The following MAGI1 variants were observed in gnomAD, a reference collection of about 807,000 sequenced individuals.
MAGI1 encodes membrane associated guanylate kinase, WW and PDZ domain containing 1, also known as membrane-associated guanylate kinase, WW and PDZ domain-containing protein 1.
In MAGI1, 58 loss-of-function variants were observed where a neutral mutation model predicts 139.9. That is an observed-to-expected ratio of 0.41 (90% CI 0.34 to 0.52). MAGI1 has a LOEUF of 0.52. MAGI1 is among the 20% of genes least tolerant of loss of function. The pLI is 0.12. For synonymous variants in MAGI1, 812 were observed against 737.9 expected, an observed-to-expected ratio of 1.10 and a Z score of -1.63; for missense variants, 1,874 against 1,901.6, an observed-to-expected ratio of 0.99 and a Z score of 0.27.
chr3:65,846,615 T>G (rs539719339), intron 1 of MAGI1, among the ~76,000 whole-genome samples: 1 of 152,330 alleles, frequency 6.6e-6, no homozygotes, highest in East Asian at 1.9e-4. Context: ...CAATATGTTT[T>G]GAGCACACAC....
At chr3:65,604,349 G>T (rs1329116126) in intron 2 of MAGI1, among the ~76,000 whole-genome samples, 4 of 152,174 alleles carry the variant, frequency 2.6e-5, no homozygotes, top group African/African-American at 7.2e-5. Flanking sequence ...GTTATATATT[G>T]ATATTAATAT....
chr3:65,450,694 T>C (rs765105194), intron 6 of MAGI1, among the ~76,000 whole-genome samples: 3 of 152,182 alleles, frequency 2.0e-5, no homozygotes, highest in Non-Finnish European at 2.9e-5. Context: ...GACACAGCAG[T>C]GACAGAAGGA....
At position 65,509,964 on chromosome 3, in the gene MAGI1, G is replaced by T. The variant is rs553430651; in HGVS notation, c.431-16333C>A. ...GCACGCAGAAGGAGATCTGAGAACCGGCAGACTGCCTCCTCAAGTGGGTCC... is the reference window on the plus strand; with the variant it reads ...GCACGCAGAAGGAGATCTGAGAACCTGCAGACTGCCTCCTCAAGTGGGTCC... On this transcript the variant is annotated intron_variant, in intron 2 of 22. Transcript: ENST00000402939. Among the ~76,000 whole-genome samples the T allele has an allele frequency of 5.3e-5, 8 of 152,282 alleles. No homozygotes were observed. In the South Asian group the frequency reaches 1.7e-3, roughly 32 times the overall value.
chr3:65,790,409 AAAT>A (rs1270556151), intron 1 of MAGI1, among the ~76,000 whole-genome samples: 1 of 152,228 alleles, frequency 6.6e-6, no homozygotes, highest in African/African-American at 2.4e-5. Context: ...AGCTCTGCCT[AAAT>A]AAATCTTTTA....
chr3:65,805,239 C>A (rs759402369), intron 1 of MAGI1, among the ~76,000 whole-genome samples: 1 of 151,974 alleles, frequency 6.6e-6, no homozygotes, highest in East Asian at 1.9e-4. Flanking sequence ...AACAAATTTA[C>A]AAGAAAAAAC....
chr3:65,806,433 A>T (rs2040856623), intron 1 of MAGI1, among the ~76,000 whole-genome samples: 1 of 152,198 alleles, frequency 6.6e-6, no homozygotes, highest in Admixed American at 6.5e-5. Flanking sequence ...ATTTCAAAAA[A>T]AAAAAATGTA....
In MAGI1 at chr3:65,593,773, C is replaced by T. The variant is rs372631752; in HGVS notation, c.430+28199G>A. 1.6e-4 allele frequency among the ~76,000 whole-genome samples: 25 copies of T among 152,052 alleles called. No homozygotes were observed. The East Asian group carries it at 3.3e-3, about 20-fold the overall frequency. ...GTGCTTACGACTAGATATAGAAATA[C>T]GGGAAACATATTGATATCTCATTAT... On this transcript the variant is annotated intron_variant, in intron 2 of 22. Transcript: ENST00000402939.
intron 1 of MAGI1, among the ~76,000 whole-genome samples, chr3:65,719,011 C>T (rs1374232664): frequency 1.7e-5 from 2 of 119,372 alleles, no homozygotes; most frequent in Non-Finnish European, 3.4e-5. Flanking sequence ...TAGCACATAA[C>T]CCTACCAAAA....
At chr3:65,940,830 C>G (rs1044520024) in intron 1 of MAGI1, among the ~76,000 whole-genome samples, 2 of 152,112 alleles carry the variant, frequency 1.3e-5, no homozygotes, top group Non-Finnish European at 2.9e-5. Flanking sequence ...GTTCATAGCA[C>G]GTTTCAGTGG....
intron 1 of MAGI1, among the ~76,000 whole-genome samples, chr3:65,715,861 C>T (rs1416699844): frequency 6.6e-6 from 1 of 152,152 alleles, no homozygotes; most frequent in Admixed American, 6.5e-5. Flanking sequence ...GAATTCCTTC[C>T]GTTTTGGATT....
At chr3:65,720,554 T>C (rs1281349666) in intron 1 of MAGI1, among the ~76,000 whole-genome samples, 4 of 152,144 alleles carry the variant, frequency 2.6e-5, no homozygotes, top group African/African-American at 7.2e-5. Context: ...TCTAGAATGT[T>C]AGCTCACCAT....
At chr3:66,006,529 A>G (rs1180412259) in intron 1 of MAGI1, among the ~76,000 whole-genome samples, 1 of 152,196 alleles carries the variant, frequency 6.6e-6, no homozygotes, top group Admixed American at 6.5e-5. Flanking sequence ...ACATATGAGT[A>G]AGACAAACTA....
chr3:65,548,535 T>G (rs1304718742), intron 2 of MAGI1, among the ~76,000 whole-genome samples: 10 of 77,176 alleles, frequency 1.3e-4, no homozygotes, highest in African/African-American at 4.3e-4. Flanking sequence ...TTTTTTTTTT[T>G]TTTTTGAGAC....
chr3:65,609,948 T>A (rs995584739), intron 2 of MAGI1: 4 of 14,744 alleles, frequency 2.7e-4, no homozygotes, highest in African/African-American at 1.1e-3. Context: ...TCACAATCGT[T>A]GCATTCTACT....
chr3:66,014,576 C>A (rs2067520231), intron 1 of MAGI1, among the ~76,000 whole-genome samples: 1 of 152,184 alleles, frequency 6.6e-6, no homozygotes, highest in Non-Finnish European at 1.5e-5. Flanking sequence ...ATAGAGAACA[C>A]AGCCCCACAT....
At chr3:65,683,592 T>A (rs560515461) in intron 1 of MAGI1, among the ~76,000 whole-genome samples, 1 of 151,206 alleles carries the variant, frequency 6.6e-6, no homozygotes, top group Non-Finnish European at 1.5e-5. Flanking sequence ...AAAGTCAATA[T>A]TGAAAACACA....
rs186756186 is a variant in MAGI1, at chr3:65,622,125, C to T, written c.314-37G>A. 1.2e-3 allele frequency: 1,692 copies of T among 1,396,616 alleles called. 26 individuals carry two copies. The highest frequency in any genetic ancestry group is 1.0e-4 in the Non-Finnish European group (102 of 982,316). 86.5% of individuals were successfully genotyped at this position (1,396,616 alleles called of 1,614,324 possible). On this transcript the variant is annotated intron_variant, in intron 1 of 22. Transcript: ENST00000402939. ...ACATAAAATAGACATACCACATCAA[C>T]ACAGGGCCTCCTAGAAAAGAAGTAG... is the stretch of plus-strand genomic sequence containing the variant.
intron 1 of MAGI1, among the ~76,000 whole-genome samples, chr3:66,002,916 G>C (rs2066823012): frequency 6.6e-6 from 1 of 152,106 alleles, no homozygotes. Context: ...TGTCCAGACA[G>C]GTAAATTGCA....
At chr3:65,711,660 T>A (rs2031439340) in intron 1 of MAGI1, among the ~76,000 whole-genome samples, 1 of 152,142 alleles carries the variant, frequency 6.6e-6, no homozygotes, top group African/African-American at 2.4e-5. Flanking sequence ...ATACAATTGG[T>A]GTCCTGAGAA....
Sources: allele counts gnomAD v4.1 joint callset (sites outside exome capture counted in the v4.1 genomes callset), GRCh38; gene constraint gnomAD v4.1.1; transcripts MANE v1.5; gene names NCBI Gene and HGNC (gene_info 2026-07-23, HGNC 2026-07-21).